Variants in ANKRD55 observed in about 807,000 individuals in gnomAD.
The protein encoded by ANKRD55 is ankyrin repeat domain-containing protein 55.
ANKRD55 carries 41 observed loss-of-function variants against 60.6 expected under a neutral mutation model. The observed-to-expected ratio is 0.68, with a 90% confidence interval of 0.53 to 0.88. The LOEUF is 0.88. ANKRD55 is among the 40% of genes least tolerant of loss of function. The pLI is 0.00. For missense variants in ANKRD55, 732 were observed against 767.6 expected (o/e 0.95, Z 0.55); for synonymous variants, 264 against 290.3 (o/e 0.91, Z 0.92).
chr5:56,154,200 CAAAAAAAA>C (rs367809782), intron 6 of ANKRD55, among the ~76,000 whole-genome samples: 1 of 64,320 alleles, frequency 1.6e-5, no homozygotes, highest in African/African-American at 6.3e-5. Flanking sequence ...GACTCTGTCT[CAAAAAAAA>C]AAAAAAAAAA....
intron 8 of ANKRD55, among the ~76,000 whole-genome samples, chr5:56,126,595 A>AG (rs2111719768): frequency 6.6e-6 from 1 of 151,788 alleles, no homozygotes; most frequent in African/African-American, 2.4e-5. Flanking sequence ...AGAATGAAGA[A>AG]AAAAAAAACA....
chr5:56,101,570 T>C (rs879350089), intron 11 of ANKRD55, among the ~76,000 whole-genome samples: 1 of 152,204 alleles, frequency 6.6e-6, no homozygotes, highest in Non-Finnish European at 1.5e-5. Flanking sequence ...ATTATTATTA[T>C]GCTTCAGAGT....
chr5:56,174,202 CA>C (rs1483039785), intron 4 of ANKRD55, among the ~76,000 whole-genome samples: 1 of 152,138 alleles, frequency 6.6e-6, no homozygotes, highest in Non-Finnish European at 1.5e-5. Flanking sequence ...GTCAACTTTC[CA>C]GGCTCCAAGG....
intron 7 of ANKRD55, among the ~76,000 whole-genome samples, chr5:56,128,761 A>G (rs1281412282): frequency 6.6e-6 from 1 of 152,084 alleles, no homozygotes; most frequent in Non-Finnish European, 1.5e-5. Context: ...ACAGGAGACA[A>G]TGAAGGCATA....
chr5:56,131,699 G>A (rs762439020), intron 7 of ANKRD55, among the ~76,000 whole-genome samples: 3 of 144,872 alleles, frequency 2.1e-5, no homozygotes, highest in Non-Finnish European at 4.5e-5. Context: ...GGAAGGCTGA[G>A]ACAGGAGAAT....
chr5:56,139,002 C>T (rs1396743151), intron 7 of ANKRD55, among the ~76,000 whole-genome samples: 1 of 137,716 alleles, frequency 7.3e-6, no homozygotes, highest in Non-Finnish European at 1.5e-5. Flanking sequence ...GATGACCTGT[C>T]AGTGTAGGCT....
intron 2 of ANKRD55, among the ~76,000 whole-genome samples, chr5:56,204,025 A>G (rs558279696): frequency 1.3e-5 from 2 of 152,118 alleles, no homozygotes; most frequent in Non-Finnish European, 2.9e-5. Context: ...TTGCTGTTCT[A>G]ACTGGTGTGA....
chr5:56,183,371 G>T, intron 3 of ANKRD55, 141 bp downstream of exon 3: 1 of 1,082,270 alleles, frequency 9.2e-7, no homozygotes, highest in Non-Finnish European at 1.3e-6. Flanking sequence ...TTCATTATAA[G>T]AGGCGATGTG....
At chr5:56,112,511 A>AAAAAAAAAACAAAAAAAAAAACAC (rs61268045) in intron 9 of ANKRD55, among the ~76,000 whole-genome samples, 2 of 81,528 alleles carry the variant, frequency 2.5e-5, no homozygotes, top group African/African-American at 1.1e-4. Flanking sequence ...TAGCAAAAAA[A>AAAAAAAAAACAAAAAAAAAAACAC]AAAAAAAAAA....
Position 56,183,574 on chromosome 5 carries a change from A to G in ANKRD55, c.119T>C (p.Val40Ala). The change falls in exon 3 of 12, where the codon GTC becomes GCC. Residue 40 changes from valine (V) to alanine (A), a missense_variant. Transcript: ENST00000341048. ...CCGAATCACTGCAGTCAGAGCATTGACATCTCCATTAGAGGCTGCTTGATA... is the reference window on the plus strand; with the variant it reads ...CCGAATCACTGCAGTCAGAGCATTGGCATCTCCATTAGAGGCTGCTTGATA... ...MVYQAASNGD[V>A]NALTAVIRED... The G allele has an allele frequency of 6.2e-7, 1 of 1,614,220 alleles. No homozygotes were observed. Among genetic ancestry groups the G allele is most frequent in the Non-Finnish European group, 8.5e-7 (1 of 1,180,036 alleles).
chr5:56,213,725 G>T (rs138719934), intron 2 of ANKRD55, among the ~76,000 whole-genome samples: 1 of 152,166 alleles, frequency 6.6e-6, no homozygotes, highest in Non-Finnish European at 1.5e-5. Flanking sequence ...TATCCAGAAG[G>T]CGTCGTAGTC....
intron 2 of ANKRD55, among the ~76,000 whole-genome samples, chr5:56,210,426 G>A: frequency 6.6e-6 from 1 of 151,926 alleles, no homozygotes; most frequent in Non-Finnish European, 1.5e-5. Flanking sequence ...GCCGGGTGCG[G>A]TGGCGGGCGC....
At chr5:56,180,267 G>T (rs1453955292) in intron 3 of ANKRD55, among the ~76,000 whole-genome samples, 1 of 152,286 alleles carries the variant, frequency 6.6e-6, no homozygotes. Context: ...CTGCATTGTG[G>T]ACCAGGTTCC....
chr5:56,113,240 G>T (rs1012678870), intron 9 of ANKRD55, among the ~76,000 whole-genome samples: 2 of 152,070 alleles, frequency 1.3e-5, no homozygotes, highest in African/African-American at 4.8e-5. Context: ...ACATCACAAC[G>T]TTATTTGTCT....
At chr5:56,227,910 T>C (rs187234081) in intron 2 of ANKRD55, among the ~76,000 whole-genome samples, 9 of 152,334 alleles carry the variant, frequency 5.9e-5, no homozygotes, top group Non-Finnish European at 1.2e-4. Context: ...TGTATCCATG[T>C]AAAGCCCTGC....
intron 5 of ANKRD55, among the ~76,000 whole-genome samples, chr5:56,164,369 T>C (rs1355984580): frequency 6.6e-6 from 1 of 152,092 alleles, no homozygotes; most frequent in African/African-American, 2.4e-5. Flanking sequence ...TCCCTGGAGC[T>C]GCCTGTATTA....
chr5:56,229,426 G>A (rs1760194806), intron 2 of ANKRD55, among the ~76,000 whole-genome samples: 2 of 152,166 alleles, frequency 1.3e-5, no homozygotes, highest in Admixed American at 1.3e-4. Context: ...AAGCCAGCCA[G>A]AGACCATGCC....
chr5:56,194,472 T>G (rs187816415), intron 2 of ANKRD55, among the ~76,000 whole-genome samples: 1 of 152,178 alleles, frequency 6.6e-6, no homozygotes, highest in Non-Finnish European at 1.5e-5. Flanking sequence ...GCTGTGATTA[T>G]TTATAATTGG....
chr5:56,192,987 CAATT>C (rs1227427580), intron 2 of ANKRD55: 18 of 879,024 alleles, frequency 2.0e-5, no homozygotes, highest in Non-Finnish European at 2.2e-5. Context: ...TACTGGAAAA[CAATT>C]AAACCTTTTC....
Sources: allele counts gnomAD v4.1 joint callset (sites outside exome capture counted in the v4.1 genomes callset), GRCh38; gene constraint gnomAD v4.1.1; transcripts MANE v1.5; gene names NCBI Gene and HGNC (gene_info 2026-07-23, HGNC 2026-07-21).